The following EPHA6 variants were observed in gnomAD, a reference collection of about 807,000 sequenced individuals.
EPHA6 encodes the protein ephrin type-A receptor 6.
Under a neutral mutation model 112.0 loss-of-function variants are expected in EPHA6, and 50 were observed. That is an observed-to-expected ratio of 0.45 (90% CI 0.36 to 0.56). The LOEUF (loss-of-function observed/expected upper bound fraction) is 0.56, where lower values mean the gene tolerates loss of function less well. Among genes scored for constraint, EPHA6 ranks in the 20% least tolerant of loss-of-function variants. The pLI is 0.00. For missense variants in EPHA6, 1,280 were observed against 1,417.4 expected, an observed-to-expected ratio of 0.90 and a Z score of 1.56; for synonymous variants, 529 against 490.7, an observed-to-expected ratio of 1.08 and a Z score of -1.03.
At chr3:96,977,727 A>G (rs1049271817) in intron 2 of EPHA6, among the ~76,000 whole-genome samples, 4 of 152,220 alleles carry the variant, frequency 2.6e-5, no homozygotes, top group African/African-American at 9.6e-5. Context: ...TTGACTGTCC[A>G]GAAAAGTTAA....
At chr3:97,080,979 TA>T (rs2046701939) in intron 3 of EPHA6, among the ~76,000 whole-genome samples, 1 of 152,010 alleles carries the variant, frequency 6.6e-6, no homozygotes, top group Non-Finnish European at 1.5e-5. Context: ...TTACAAAAAC[TA>T]GAAGTGCTTT....
chr3:97,123,909 CAGAG>C (rs373822731), intron 3 of EPHA6, among the ~76,000 whole-genome samples: 6 of 148,714 alleles, frequency 4.0e-5, no homozygotes, highest in African/African-American at 1.2e-4. Context: ...GAGGGAGAGA[CAGAG>C]AGAGAGAGAG....
intron 5 of EPHA6, among the ~76,000 whole-genome samples, chr3:97,318,504 A>G (rs929423847): frequency 2.0e-5 from 3 of 152,016 alleles, no homozygotes; most frequent in Admixed American, 6.6e-5. Flanking sequence ...CTGGCTTCTC[A>G]TCTTCTCAGG....
chr3:97,243,831 T>A, intron 4 of EPHA6, 121 bp from the exon 5 acceptor site: 1 of 725,910 alleles, frequency 1.4e-6, no homozygotes, highest in East Asian at 2.7e-5. Context: ...TAGATCCCAT[T>A]AGAAAAAGAG....
At chr3:97,230,168 T>C (rs2078483383) in intron 4 of EPHA6, among the ~76,000 whole-genome samples, 1 of 152,132 alleles carries the variant, frequency 6.6e-6, no homozygotes, top group South Asian at 2.1e-4. Flanking sequence ...GGAAAATATC[T>C]TTTTATTTTC....
intron 2 of EPHA6, among the ~76,000 whole-genome samples, chr3:96,877,411 C>G (rs1262818775): frequency 6.6e-6 from 1 of 151,942 alleles, no homozygotes; most frequent in African/African-American, 2.4e-5. Flanking sequence ...TAAGTAATAC[C>G]TATCAAGACT....
At chr3:97,389,448 A>G (rs2086270808) in intron 5 of EPHA6, among the ~76,000 whole-genome samples, 1 of 152,176 alleles carries the variant, frequency 6.6e-6, no homozygotes, top group South Asian at 2.1e-4. Flanking sequence ...ATGTTGCTGA[A>G]TTATAATATT....
At chr3:97,425,471 C>T (rs1323893579) in intron 6 of EPHA6, among the ~76,000 whole-genome samples, 2 of 152,244 alleles carry the variant, frequency 1.3e-5, no homozygotes, top group Non-Finnish European at 2.9e-5. Context: ...ACATTGGTCC[C>T]TTTTAGCCAT....
At chr3:97,400,154 A>G (rs951179007) in intron 5 of EPHA6, among the ~76,000 whole-genome samples, 1 of 151,640 alleles carries the variant, frequency 6.6e-6, no homozygotes, top group Admixed American at 6.6e-5. Flanking sequence ...CATTTTCTGC[A>G]TGTGGACGTA....
chr3:97,669,543 C>T (rs937589213), intron 14 of EPHA6, among the ~76,000 whole-genome samples: 1 of 150,732 alleles, frequency 6.6e-6, no homozygotes, highest in Non-Finnish European at 1.5e-5. Flanking sequence ...AGGAGGATTG[C>T]TTGAGCTCAG....
At chr3:97,324,405 T>TCTTCTTTCTTTC (rs2082268637) in intron 5 of EPHA6, among the ~76,000 whole-genome samples, 2 of 104,566 alleles carry the variant, frequency 1.9e-5, no homozygotes, top group South Asian at 3.5e-4. Context: ...GCTTTCCTTC[T>TCTTCTTTCTTTC]TTTCTTTCTT....
intron 16 of EPHA6, among the ~76,000 whole-genome samples, chr3:97,744,439 C>T (rs1035781791): frequency 2.0e-5 from 3 of 151,912 alleles, no homozygotes; most frequent in African/African-American, 7.2e-5. Context: ...AAAATAGCAA[C>T]ATTTTTCAAC....
chr3:96,900,095 C>T (rs986800903), intron 2 of EPHA6, among the ~76,000 whole-genome samples: 1 of 152,114 alleles, frequency 6.6e-6, no homozygotes, highest in Admixed American at 6.5e-5. Context: ...ATTAATTACC[C>T]TGGGACAATA....
At chr3:97,079,934 G>T (rs568227349) in intron 3 of EPHA6, among the ~76,000 whole-genome samples, 1 of 151,590 alleles carries the variant, frequency 6.6e-6, no homozygotes, top group South Asian at 2.1e-4. Flanking sequence ...TAAAATTAAG[G>T]TACGTAAATT....
intron 16 of EPHA6, among the ~76,000 whole-genome samples, chr3:97,742,135 C>T (rs1282518486): frequency 3.3e-5 from 5 of 152,096 alleles, no homozygotes; most frequent in Admixed American, 2.0e-4. Context: ...GGCATAAATA[C>T]GTTTTGCTTC....
intron 5 of EPHA6, among the ~76,000 whole-genome samples, chr3:97,397,956 A>G (rs573548843): frequency 3.3e-5 from 5 of 151,710 alleles, no homozygotes; most frequent in Admixed American, 2.0e-4. Context: ...TTTAGGGTTT[A>G]GGACATTTGG....
At chr3:97,497,030 C>G (rs533716879) in intron 10 of EPHA6, among the ~76,000 whole-genome samples, 11 of 152,256 alleles carry the variant, frequency 7.2e-5, no homozygotes, top group African/African-American at 2.6e-4. Flanking sequence ...CAACAGCCTC[C>G]CTGGCCAACC....
intron 2 of EPHA6, among the ~76,000 whole-genome samples, chr3:96,938,239 A>G (rs1576099718): frequency 6.6e-6 from 1 of 152,208 alleles, no homozygotes; most frequent in South Asian, 2.1e-4. Context: ...CCAACCCATG[A>G]GCATGGAATG....
intron 2 of EPHA6, among the ~76,000 whole-genome samples, chr3:96,975,070 G>A (rs1364526013): frequency 2.0e-5 from 3 of 152,098 alleles, no homozygotes; most frequent in Non-Finnish European, 4.4e-5. Flanking sequence ...GGAAAGACAG[G>A]GCGGAGCAAA....
Sources: gnomAD v4.1 joint callset for allele counts (sites outside exome capture counted in the v4.1 genomes callset) on GRCh38, gnomAD v4.1.1 for gene constraint, MANE v1.5 for transcripts, NCBI Gene and HGNC (gene_info 2026-07-23, HGNC 2026-07-21) for gene names.